CDK14: variants seen among roughly 807,000 people sequenced by gnomAD.
CDK14 encodes cyclin-dependent kinase 14.
CDK14 carries 34 observed loss-of-function variants against 60.7 expected under a neutral mutation model. The ratio of observed to expected loss-of-function variants is 0.56; its 90% CI spans 0.43 to 0.75. The LOEUF is 0.75. CDK14 is among the 30% of genes least tolerant of loss of function. The probability of loss-of-function intolerance (pLI) is 0.00; values close to 1 mark genes in which losing one functional copy is unlikely to be tolerated. For synonymous variants in CDK14, 197 were observed against 203.7 expected (o/e 0.97, Z 0.28); for missense variants, 482 against 564.1 (o/e 0.85, Z 1.47).
In CDK14 at chr7:91,181,425, G is replaced by A. The variant is rs117224964; in HGVS notation, c.*29-25740G>A. On this transcript the variant is annotated intron_variant, in intron 14 of 14. Transcript: ENST00000380050. Reference sequence around the variant, plus strand: ...AGATTTAGGTTTAATTTTTTTTAAGGCAAAAATATTTTGTGATGGTGATGT... The same window carrying A: ...AGATTTAGGTTTAATTTTTTTTAAGACAAAAATATTTTGTGATGGTGATGT... 2.0e-3 allele frequency among the ~76,000 whole-genome samples: 299 copies of A among 152,032 alleles called. 2 individuals carry two copies. The highest frequency in any genetic ancestry group is 2.7e-3 in the Non-Finnish European group (186 of 67,964).
intron 2 of CDK14, among the ~76,000 whole-genome samples, chr7:90,620,185 C>G (rs999328158): frequency 2.6e-5 from 4 of 152,174 alleles, no homozygotes; most frequent in Non-Finnish European, 5.9e-5. Flanking sequence ...AGTGGGACAT[C>G]TACCACTTCA....
intron 2 of CDK14, among the ~76,000 whole-genome samples, chr7:90,644,710 A>G (rs1800422203): frequency 1.3e-5 from 2 of 152,206 alleles, no homozygotes; most frequent in South Asian, 4.1e-4. Flanking sequence ...TGGTGATACC[A>G]TGGGTAACAA....
rs747715009 is a variant in CDK14, at chr7:91,112,532, A to G, written c.1155-10A>G. On this transcript the variant is annotated splice_polypyrimidine_tract_variant and intron_variant, in intron 12 of 14. Coordinates refer to ENST00000380050, the MANE Select transcript of CDK14 (RefSeq NM_001287135.2). ...TTGGTCTGACCTCTCTTTTTTGCTCATGTTTTTAGGCTCAGCTATGTGAAC... is the reference window on the plus strand; with the variant it reads ...TTGGTCTGACCTCTCTTTTTTGCTCGTGTTTTTAGGCTCAGCTATGTGAAC... The G allele has an allele frequency of 1.9e-6, 3 of 1,604,358 alleles. No homozygotes were observed. In the African/African-American group the frequency reaches 4.0e-5, roughly 22 times the overall value.
chr7:91,040,118 T>C (rs559043021), intron 10 of CDK14, among the ~76,000 whole-genome samples: 3 of 152,250 alleles, frequency 2.0e-5, no homozygotes, highest in East Asian at 3.9e-4. Context: ...CCATCACCCA[T>C]GAGGCCACTG....
At chr7:90,696,197 G>T (rs1312556884) in intron 2 of CDK14, among the ~76,000 whole-genome samples, 11 of 152,102 alleles carry the variant, frequency 7.2e-5, no homozygotes, top group Admixed American at 1.3e-4. Context: ...TACAATCAAG[G>T]ATTCTGAAGT....
intron 2 of CDK14, among the ~76,000 whole-genome samples, chr7:90,681,003 T>G (rs184494564): frequency 6.6e-6 from 1 of 152,360 alleles, no homozygotes; most frequent in East Asian, 1.9e-4. Context: ...AGACAGATAG[T>G]ACATTGTGGA....
intron 2 of CDK14, among the ~76,000 whole-genome samples, chr7:90,723,445 C>T (rs546731283): frequency 3.9e-5 from 6 of 152,252 alleles, no homozygotes; most frequent in Admixed American, 2.0e-4. Flanking sequence ...TGCACAGGTG[C>T]CTCTCCACAG....
intron 2 of CDK14, among the ~76,000 whole-genome samples, chr7:90,700,973 G>T (rs192734313): frequency 4.6e-5 from 7 of 152,154 alleles, no homozygotes; most frequent in Non-Finnish European, 5.9e-5. Context: ...TCTTTCAGTC[G>T]TGAAATACAG....
At chr7:91,042,953 A>G (rs1235482062) in intron 10 of CDK14, among the ~76,000 whole-genome samples, 3 of 152,224 alleles carry the variant, frequency 2.0e-5, no homozygotes, top group Non-Finnish European at 4.4e-5. Context: ...AATGGCTTTT[A>G]CAGGAAGCAA....
chr7:91,100,681 T>G (rs1338937552), intron 12 of CDK14, among the ~76,000 whole-genome samples: 1 of 152,194 alleles, frequency 6.6e-6, no homozygotes, highest in Non-Finnish European at 1.5e-5. Flanking sequence ...GGAATGATCT[T>G]AAACATTTGA....
intron 14 of CDK14, among the ~76,000 whole-genome samples, chr7:91,141,696 T>C (rs1443005348): frequency 2.0e-5 from 3 of 152,228 alleles, no homozygotes; most frequent in Admixed American, 6.5e-5. Flanking sequence ...CCTACAGTTA[T>C]AGTGTCTTTC....
At position 90,744,786 on chromosome 7, in the gene CDK14, G is replaced by C. The variant is rs529528664; in HGVS notation, c.370-2895G>C. On this transcript the variant is annotated intron_variant, in intron 3 of 14. Transcript: ENST00000380050. ...AGGGGGCTGACCCCCCCACCTCCCT[G>C]CCGGACGGGGCGGCTGGCCGGGCGG... 2.5e-3 allele frequency among the ~76,000 whole-genome samples: 319 copies of C among 126,290 alleles called. 7 individuals are homozygous for C. The highest frequency in any genetic ancestry group is 3.2e-3 in the Non-Finnish European group (192 of 59,214). 82.9% of individuals were successfully genotyped at this position (126,290 alleles called of 152,430 possible). A position where few individuals can be genotyped will look rare whatever the true frequency, so the allele number is the denominator to read the frequency against.
At chr7:90,726,456 G>C in intron 2 of CDK14, 111 bp from the exon 3 acceptor site, 1 of 1,291,798 alleles carries the variant, frequency 7.7e-7, no homozygotes, top group South Asian at 1.5e-5. Context: ...TGGGCTTTTT[G>C]GGTATTTCCT....
At chr7:90,765,774 T>C (rs78810626) in intron 4 of CDK14, among the ~76,000 whole-genome samples, 3,327 of 152,236 alleles carry the variant, frequency 0.022, 51 homozygotes, top group African/African-American at 0.03. Context: ...AGAAGTGTTT[T>C]GTGTTGTTTC....
chr7:90,787,451 A>C (rs1805641976), intron 4 of CDK14, among the ~76,000 whole-genome samples: 1 of 152,220 alleles, frequency 6.6e-6, no homozygotes, highest in Non-Finnish European at 1.5e-5. Flanking sequence ...AACATGAAAG[A>C]TGTTGAAAAC....
intron 2 of CDK14, among the ~76,000 whole-genome samples, chr7:90,685,397 A>G (rs777934705): frequency 2.6e-5 from 4 of 152,184 alleles, no homozygotes; most frequent in Non-Finnish European, 5.9e-5. Flanking sequence ...TTAGTCTTCC[A>G]GTAAACATTA....
intron 11 of CDK14, among the ~76,000 whole-genome samples, chr7:91,069,110 G>C (rs191105869): frequency 1.3e-5 from 2 of 152,226 alleles, no homozygotes; most frequent in Admixed American, 1.3e-4. Flanking sequence ...TAATTGCATA[G>C]TGTTTAAAGA....
At chr7:91,077,263 T>C (rs540944051) in intron 11 of CDK14, among the ~76,000 whole-genome samples, 1 of 152,266 alleles carries the variant, frequency 6.6e-6, no homozygotes, top group East Asian at 1.9e-4. Flanking sequence ...CCATCAATGA[T>C]AGACTGGATA....
At chr7:90,689,360 G>T (rs1178085483) in intron 2 of CDK14, among the ~76,000 whole-genome samples, 2 of 152,054 alleles carry the variant, frequency 1.3e-5, no homozygotes, top group African/African-American at 2.4e-5. Flanking sequence ...TATCACCAGG[G>T]TCCTTTGTTT....
Sources: gnomAD v4.1 joint callset for allele counts (sites outside exome capture counted in the v4.1 genomes callset) on GRCh38, gnomAD v4.1.1 for gene constraint, MANE v1.5 for transcripts, NCBI Gene and HGNC (gene_info 2026-07-23, HGNC 2026-07-21) for gene names.